HECW1: variants seen among roughly 807,000 people sequenced by gnomAD.
HECW1 encodes E3 ubiquitin-protein ligase HECW1.
In HECW1, 61 loss-of-function variants were observed where a neutral mutation model predicts 182.3. The ratio of observed to expected loss-of-function variants is 0.33; its 90% CI spans 0.27 to 0.41. The LOEUF (loss-of-function observed/expected upper bound fraction) is 0.41. HECW1 is among the 10% of genes least tolerant of loss of function. The pLI is 1.00. For missense variants in HECW1, 1,739 were observed against 2,108.9 expected (o/e 0.82, Z 3.44); for synonymous variants, 859 against 832.6 (o/e 1.03, Z -0.55).
intron 2 of HECW1, among the ~76,000 whole-genome samples, chr7:43,171,838 T>C (rs1323945377): frequency 1.3e-5 from 2 of 152,094 alleles, no homozygotes; most frequent in African/African-American, 2.4e-5. Flanking sequence ...GTAAAATGCT[T>C]TTGGGGTCTT....
At chr7:43,127,056 A>T (rs1786328294) in intron 2 of HECW1, among the ~76,000 whole-genome samples, 1 of 152,188 alleles carries the variant, frequency 6.6e-6, no homozygotes, top group South Asian at 2.1e-4. Context: ...CATGTCTCTC[A>T]CTTGATATCA....
intron 24 of HECW1, among the ~76,000 whole-genome samples, chr7:43,540,843 A>C (rs187673986): frequency 4.1e-4 from 63 of 152,250 alleles, no homozygotes; most frequent in Non-Finnish European, 6.6e-4. Flanking sequence ...CTTTTTATCT[A>C]AGATTTCTGA....
chr7:43,440,199 C>G (rs2076842312), intron 9 of HECW1: 1 of 152,438 alleles, frequency 6.6e-6, no homozygotes. Context: ...TGCACCGCAG[C>G]TTCCCTCTGC....
chr7:43,510,019 T>C (rs2079785666), intron 24 of HECW1: 1 of 152,326 alleles, frequency 6.6e-6, no homozygotes, highest in African/African-American at 2.4e-5. Context: ...TCTCTCCAAA[T>C]GCACTCCCAG....
At chr7:43,516,103 T>C (rs2080134440) in intron 24 of HECW1, among the ~76,000 whole-genome samples, 1 of 152,252 alleles carries the variant, frequency 6.6e-6, no homozygotes. Context: ...CTTTAATATA[T>C]TGACTGAATT....
At position 43,410,149 on chromosome 7, in the gene HECW1, TCTC is replaced by T. The variant is rs550955039; in HGVS notation, c.801+2421_801+2423del. On this transcript the variant is annotated intron_variant, in intron 8 of 29. Transcript: ENST00000395891. Reference sequence around the variant, plus strand: ...AGAAAGCAACAGGCCAAAAAAGCCTTCTCCTTGCAAGACTTTGCATTTTCTTCC... The same window carrying T: ...AGAAAGCAACAGGCCAAAAAAGCCTTCTTGCAAGACTTTGCATTTTCTTCC... 4.8e-3 allele frequency among the ~76,000 whole-genome samples: 736 copies of T among 152,216 alleles called. 6 individuals carry two copies. The highest frequency in any genetic ancestry group is 0.027 in the South Asian group (128 of 4,818).
chr7:43,314,400 A>G (rs1321535909), intron 4 of HECW1, among the ~76,000 whole-genome samples: 1 of 152,086 alleles, frequency 6.6e-6, no homozygotes, highest in Non-Finnish European at 1.5e-5. Flanking sequence ...ATAGAAAGAG[A>G]GCACCAGATA....
chr7:43,384,981 C>T (rs1211363610), intron 6 of HECW1, among the ~76,000 whole-genome samples: 2 of 151,902 alleles, frequency 1.3e-5, no homozygotes, highest in Non-Finnish European at 2.9e-5. Flanking sequence ...AAAGAGCTAA[C>T]TCTTGTCACT....
intron 21 of HECW1, among the ~76,000 whole-genome samples, chr7:43,503,772 A>T (rs1235815045): frequency 6.6e-6 from 1 of 152,240 alleles, no homozygotes; most frequent in Non-Finnish European, 1.5e-5. Flanking sequence ...TGTAAAGCAG[A>T]AATTATTTGA....
Position 43,307,897 on chromosome 7 carries a change from C to T in HECW1, c.28-3866C>T, listed in dbSNP as rs868784941. The stretch of plus-strand genomic sequence containing the variant: ...TTCACTATATATATATATATATATA[C>T]ACATATATATATATATATATACACA... On this transcript the variant is annotated intron_variant, in intron 3 of 29. Coordinates refer to ENST00000395891, the MANE Select transcript of HECW1 (RefSeq NM_015052.5). Among the ~76,000 whole-genome samples, 330 of 57,976 alleles carry T rather than the reference C, an allele frequency of 5.7e-3. 1 individual carries two copies. The highest frequency in any genetic ancestry group is 0.01 in the African/African-American group (215 of 20,824). The allele number at this position is 57,976 out of a possible 152,430, so 38.0% of individuals were successfully genotyped here.
intron 26 of HECW1, among the ~76,000 whole-genome samples, chr7:43,547,470 C>A (rs2081607827): frequency 6.6e-6 from 1 of 151,986 alleles, no homozygotes; most frequent in African/African-American, 2.4e-5. Flanking sequence ...TCGCTTGAAC[C>A]CAGGAGGCAG....
At chr7:43,197,541 G>A (rs1794583789) in intron 2 of HECW1, among the ~76,000 whole-genome samples, 1 of 152,144 alleles carries the variant, frequency 6.6e-6, no homozygotes, top group African/African-American at 2.4e-5. Flanking sequence ...CACTGCCTCT[G>A]CTAAATAACC....
rs1034921035 is a variant in HECW1, at chr7:43,348,066, A to G, written c.461-12820A>G. On this transcript the variant is annotated intron_variant, in intron 5 of 29. Transcript: ENST00000395891. ...ATTAGAGAGGGTTCCTTCTTTCTCT[A>G]TCTTGTGGAATAGTGTCAAAAGTAC... is the stretch of plus-strand genomic sequence containing the variant. Among the ~76,000 whole-genome samples, 7 of 152,114 alleles carry G rather than the reference A, an allele frequency of 4.6e-5. No individual in the cohort carries two copies. In the East Asian group the frequency reaches 5.8e-4, roughly 13 times the overall value.
intron 3 of HECW1, among the ~76,000 whole-genome samples, chr7:43,270,394 C>T (rs2152740428): frequency 6.6e-6 from 1 of 152,318 alleles, no homozygotes; most frequent in South Asian, 2.1e-4. Flanking sequence ...GAGGTATCAG[C>T]TAGCAACTCG....
At chr7:43,466,413 A>G (rs200647088) in intron 14 of HECW1, 34 bp from the exon 15 acceptor site, 12 of 1,608,564 alleles carry the variant, frequency 7.5e-6, no homozygotes, top group South Asian at 1.1e-5. Flanking sequence ...CTTTTTCCCA[A>G]TGCATTCTGT....
At chr7:43,555,441 A>G (rs1392109300) in intron 29 of HECW1, among the ~76,000 whole-genome samples, 1 of 152,208 alleles carries the variant, frequency 6.6e-6, no homozygotes, top group East Asian at 1.9e-4. Context: ...ATTCCTGATC[A>G]GGAAGCACTG....
At chr7:43,260,462 T>C (rs190191576) in intron 3 of HECW1, among the ~76,000 whole-genome samples, 65 of 152,306 alleles carry the variant, frequency 4.3e-4, no homozygotes, top group Admixed American at 9.8e-4. Flanking sequence ...GGACACAATA[T>C]GGATTATTGT....
At chr7:43,496,707 G>T (rs781434111) in intron 19 of HECW1, among the ~76,000 whole-genome samples, 75 of 152,150 alleles carry the variant, frequency 4.9e-4, no homozygotes, top group Non-Finnish European at 8.5e-4. Context: ...CTCTGTCTTG[G>T]GTCTGCAAAG....
At chr7:43,508,493 T>C (rs2079694154) in intron 23 of HECW1, among the ~76,000 whole-genome samples, 1 of 152,204 alleles carries the variant, frequency 6.6e-6, no homozygotes, top group African/African-American at 2.4e-5. Context: ...ATTTCAGTGA[T>C]TTCATGGGAA....
Sources: gnomAD v4.1 joint callset for allele counts (sites outside exome capture counted in the v4.1 genomes callset) on GRCh38, gnomAD v4.1.1 for gene constraint, MANE v1.5 for transcripts, NCBI Gene and HGNC (gene_info 2026-07-23, HGNC 2026-07-21) for gene names.